Variants in GALNT12 observed in about 807,000 individuals in gnomAD.
GALNT12 encodes UDP-GalNAc:polypeptide N-acetylgalactosaminyltransferase 12.
Under a neutral mutation model 55.5 loss-of-function variants are expected in GALNT12, and 45 were observed. That is an observed-to-expected ratio of 0.81 (90% CI 0.64 to 1.04). GALNT12 has a LOEUF of 1.04. Among genes scored for constraint, GALNT12 ranks in the 50% least tolerant of loss-of-function variants. The pLI, the probability that GALNT12 is intolerant of heterozygous loss-of-function variation, is 0.00. For synonymous variants in GALNT12, 304 were observed against 312.2 expected (o/e 0.97, Z 0.28); for missense variants, 709 against 754.8 (o/e 0.94, Z 0.71).
Position 98,807,796 on chromosome 9 carries a change from T to C in GALNT12, c.98T>C (p.Leu33Pro). 3 of 1,106,528 alleles carry C rather than the reference T, an allele frequency of 2.7e-6. No individual in the cohort carries two copies. The highest frequency in any genetic ancestry group is 3.3e-6 in the Non-Finnish European group (3 of 910,382). 68.5% of individuals were successfully genotyped at this position (1,106,528 alleles called of 1,614,324 possible). Reference sequence around the variant, plus strand: ...CTGGCGCTACTGGCGTTGGCCGGGCTGGGCTCGGTGCTGCGGGCGCAGCGT... The same window carrying C: ...CTGGCGCTACTGGCGTTGGCCGGGCCGGGCTCGGTGCTGCGGGCGCAGCGT... ...VLLALLALAGLGSVLRAQRGA... is the reference protein window; with the variant it reads ...VLLALLALAGPGSVLRAQRGA... The change falls in exon 1 of 10, where the codon CTG becomes CCG. Residue 33 changes from leucine to proline, a missense_variant. This residue lies in a region of GALNT12 where 110 missense variants were observed against 102.2 expected (regional missense o/e 1.08). Coordinates refer to ENST00000375011, the MANE Select transcript of GALNT12 (RefSeq NM_024642.5).
In GALNT12 at chr9:98,840,025, G is replaced by T; in HGVS notation, c.1236G>T (p.Glu412Asp). The T allele has an allele frequency of 6.2e-7, 1 of 1,614,182 alleles. No homozygotes were observed. The highest frequency in any genetic ancestry group is 8.5e-7 in the Non-Finnish European group (1 of 1,180,014). ...ARLEPFGDVT[E>D]RKQLRDKLQC... ...AGGAACCTTTTGGGGATGTGACAGA[G>T]AGGAAGCAGCTCCGGGACAAGCTCC... The change falls in exon 7 of 10, where the codon GAG (glutamate) becomes GAT (aspartate). Residue 412 changes from glutamate (E) to aspartate (D), a missense_variant. Around this residue, in one of 5 missense-constraint regions of GALNT12, gnomAD observed 262 missense variants for 310.7 expected, o/e 0.84. Transcript: ENST00000375011.
intron 1 of GALNT12, among the ~76,000 whole-genome samples, chr9:98,812,295 TA>T (rs1291880244): frequency 6.6e-6 from 1 of 151,192 alleles, no homozygotes; most frequent in South Asian, 2.1e-4. Context: ...GTGTTGTCAT[TA>T]AAAAAAAATC....
intron 8 of GALNT12, among the ~76,000 whole-genome samples, chr9:98,844,699 C>T (rs1836373254): frequency 6.6e-6 from 1 of 152,080 alleles, no homozygotes. Context: ...AGTGGAATGA[C>T]AGGTTTAATG....
Position 98,826,777 on chromosome 9 carries a change from T to G in GALNT12, c.567T>G (p.Asn189Lys). ...AGCACCTGAAGGAGCGCTTGGCCAA[T>G]GAGCTTTCGGGACTGCCCAAGGTGC... ...DREHLKERLA[N>K]ELSGLPKVRL... Residue 189 changes from asparagine (N) to lysine (K), a missense_variant, in exon 3 of 10, where the codon AAT becomes AAG. Asn to Lys is a moderately conservative substitution (Grantham distance 94). Transcript: ENST00000375011. The G allele has an allele frequency of 1.2e-6, 2 of 1,611,448 alleles. No individual in the cohort carries two copies. Among genetic ancestry groups the G allele is most frequent in the South Asian group, 1.1e-5 (1 of 90,748 alleles).
At chr9:98,822,965 C>T (rs771423515) in intron 1 of GALNT12, among the ~76,000 whole-genome samples, 24 of 152,282 alleles carry the variant, frequency 1.6e-4, no homozygotes, top group African/African-American at 3.1e-4. Context: ...GGAAGGAAGA[C>T]GTGCCAGTTC....
At chr9:98,848,800 C>T in intron 9 of GALNT12, 152 bp from the exon 10 acceptor site, 1 of 867,278 alleles carries the variant, frequency 1.2e-6, no homozygotes, top group Non-Finnish European at 1.8e-6. Context: ...GTCCCCGGGA[C>T]AGTCCTGAGT....
At chr9:98,837,705 AT>A (rs1371767086) in intron 6 of GALNT12, among the ~76,000 whole-genome samples, 2 of 152,320 alleles carry the variant, frequency 1.3e-5, no homozygotes, top group Middle Eastern at 3.4e-3. Flanking sequence ...GCAGGAAAAA[AT>A]GTGGTGCCCA....
rs1056093296 is a variant in GALNT12, at chr9:98,808,172, C to A, written c.371+103C>A. 1.2e-5 allele frequency: 11 copies of A among 905,662 alleles called. No individual in the cohort carries two copies. In the South Asian group the frequency reaches 1.5e-4, roughly 13 times the overall value. 56.1% of individuals were successfully genotyped at this position (905,662 alleles called of 1,614,324 possible). ...CGGGGAGCTGGGGTCTCCAGGATGG[C>A]GCGTCTTATTGAGTCTTTCTCCGAA... On this transcript the variant is annotated intron_variant, in intron 1 of 9. Coordinates refer to ENST00000375011, the MANE Select transcript of GALNT12 (RefSeq NM_024642.5).
At chr9:98,808,850 G>A (rs755576641) in intron 1 of GALNT12, among the ~76,000 whole-genome samples, 1 of 152,194 alleles carries the variant, frequency 6.6e-6, no homozygotes, top group Non-Finnish European at 1.5e-5. Context: ...TGGGCCTCCC[G>A]GGCTCTCACT....
chr9:98,835,410 C>T (rs1261552146), intron 5 of GALNT12, 44 bp downstream of exon 5: 2 of 1,221,984 alleles, frequency 1.6e-6, no homozygotes, highest in South Asian at 2.4e-5. Context: ...TTAACTGATT[C>T]TCTCTTTGGG....
intron 2 of GALNT12, among the ~76,000 whole-genome samples, chr9:98,824,503 T>C (rs890281763): frequency 3.3e-5 from 5 of 152,164 alleles, no homozygotes; most frequent in African/African-American, 1.2e-4. Flanking sequence ...CAAGGGAGGC[T>C]GGGAGCTGTG....
intron 1 of GALNT12, among the ~76,000 whole-genome samples, chr9:98,808,466 C>G (rs1041666443): frequency 2.0e-5 from 3 of 152,200 alleles, no homozygotes; most frequent in Non-Finnish European, 4.4e-5. Flanking sequence ...CGGTGACCGG[C>G]TCCATTCATT....
intron 1 of GALNT12, among the ~76,000 whole-genome samples, chr9:98,809,561 G>A (rs998572865): frequency 1.3e-5 from 2 of 152,126 alleles, no homozygotes; most frequent in Non-Finnish European, 2.9e-5. Flanking sequence ...CTTCGTTTGC[G>A]AAATAGGAAA....
intron 3 of GALNT12, among the ~76,000 whole-genome samples, chr9:98,827,372 A>G (rs917425674): frequency 1.3e-5 from 2 of 151,502 alleles, no homozygotes; most frequent in Non-Finnish European, 2.9e-5. Context: ...GGCTAATTTT[A>G]TATTTTTTTG....
intron 1 of GALNT12, among the ~76,000 whole-genome samples, chr9:98,810,121 T>G (rs548167421): frequency 3.3e-5 from 5 of 152,342 alleles, no homozygotes; most frequent in Non-Finnish European, 7.3e-5. Flanking sequence ...CATCTCACTT[T>G]TATTACAGTT....
At chr9:98,848,803 T>G (rs1836478999) in intron 9 of GALNT12, 149 bp from the exon 10 acceptor site, 1 of 903,012 alleles carries the variant, frequency 1.1e-6, no homozygotes, top group Non-Finnish European at 1.7e-6. Context: ...CCCGGGACAG[T>G]CCTGAGTTGC....
At chr9:98,829,154 T>TATCC (rs34037188) in intron 3 of GALNT12, among the ~76,000 whole-genome samples, 1 of 36,880 alleles carries the variant, frequency 2.7e-5, no homozygotes, top group Admixed American at 3.3e-4. Flanking sequence ...TAATTTTTTT[T>TATCC]ATCTATCTAT....
intron 7 of GALNT12, among the ~76,000 whole-genome samples, chr9:98,841,246 G>A (rs554956715): frequency 6.6e-6 from 1 of 152,130 alleles, no homozygotes; most frequent in Non-Finnish European, 1.5e-5. Context: ...TTCAAGTTGT[G>A]CCTCTCTCCC....
chr9:98,848,835 AC>A (rs1456151865), intron 9 of GALNT12, 116 bp from the exon 10 acceptor site: 19 of 1,194,164 alleles, frequency 1.6e-5, no homozygotes, highest in African/African-American at 4.5e-5. Flanking sequence ...GAAGACACTT[AC>A]CCCTCAATAA....
Sources: allele counts gnomAD v4.1 joint callset (sites outside exome capture counted in the v4.1 genomes callset), GRCh38; gene constraint gnomAD v4.1.1; regional missense constraint gnomAD v4.1.1; transcripts MANE v1.5; gene names NCBI Gene and HGNC (gene_info 2026-07-23, HGNC 2026-07-21).